Variants in ALK observed in about 807,000 individuals in gnomAD.
ALK encodes ALK tyrosine kinase receptor.
Under a neutral mutation model 163.1 loss-of-function variants are expected in ALK, and 74 were observed. The ratio of observed to expected loss-of-function variants is 0.45; its 90% CI spans 0.38 to 0.55. The LOEUF is 0.55. ALK is among the 20% of genes least tolerant of loss of function. The pLI, the probability that ALK is intolerant of heterozygous loss-of-function variation, is 0.00. For missense variants in ALK, 2,063 were observed against 2,105.3 expected (o/e 0.98, Z 0.39); for synonymous variants, 960 against 843.2 (o/e 1.14, Z -2.40).
intron 1 of ALK, among the ~76,000 whole-genome samples, chr2:29,831,259 G>GGAAGAAGAAGAAGAAGAAGAATAA (rs1665406202): frequency 3.6e-5 from 1 of 28,150 alleles, no homozygotes; most frequent in African/African-American, 1.1e-4. Flanking sequence ...AAGAGGAAGA[G>GGAAGAAGAAGAAGAAGAAGAATAA]GAAGAAGAAG....
intron 3 of ALK, among the ~76,000 whole-genome samples, chr2:29,613,401 T>C (rs779338249): frequency 1.4e-4 from 21 of 152,206 alleles, no homozygotes; most frequent in Non-Finnish European, 2.5e-4. Flanking sequence ...CTTTTGCATT[T>C]CTCTTCGGGA....
intron 1 of ALK, among the ~76,000 whole-genome samples, chr2:29,880,111 T>G (rs1283813035): frequency 1.3e-5 from 2 of 152,224 alleles, no homozygotes; most frequent in Non-Finnish European, 2.9e-5. Context: ...CCATCTTTTC[T>G]GCAGACCCAT....
chr2:29,461,271 G>A (rs562767424), intron 4 of ALK, among the ~76,000 whole-genome samples: 2 of 152,334 alleles, frequency 1.3e-5, no homozygotes, highest in South Asian at 4.1e-4. Flanking sequence ...TGGAGAAGCT[G>A]CAGCAAGTTA....
In ALK at chr2:29,193,643, G is replaced by A. The variant is rs1668941922; in HGVS notation, c.4444C>T (p.Gln1482Ter). 1 of 1,614,256 alleles carries A rather than the reference G, an allele frequency of 6.2e-7. No individual in the cohort carries two copies. The highest frequency in any genetic ancestry group is 8.5e-7 in the Non-Finnish European group (1 of 1,180,040). ...TGCAACTCCGAAGGAGGGTTGGACT[G>A]AGAGAATGCCATATTCACGTGTCCC... ...EGGHVNMAFS[Q>*]SNPPSELHKV... Residue 1482 changes from glutamine (Q) to a stop codon, truncating the protein, a stop_gained, in exon 29 of 29, where the codon CAG becomes TAG. Coordinates refer to ENST00000389048, the MANE Select transcript of ALK (RefSeq NM_004304.5). LOFTEE classifies it low-confidence loss of function (END_TRUNC).
chr2:29,226,323 T>C (rs549212214), intron 18 of ALK, among the ~76,000 whole-genome samples: 235 of 151,450 alleles, frequency 1.6e-3, no homozygotes, highest in Middle Eastern at 0.014. Context: ...ACTGAAAATA[T>C]GAAAATTAGC....
At chr2:29,508,161 G>A (rs910610915) in intron 4 of ALK, among the ~76,000 whole-genome samples, 3 of 152,056 alleles carry the variant, frequency 2.0e-5, no homozygotes, top group Admixed American at 6.5e-5. Context: ...TCACTGATCT[G>A]ATGTTCAAGG....
chr2:29,858,231 A>T (rs1666193528), intron 1 of ALK, among the ~76,000 whole-genome samples: 1 of 152,088 alleles, frequency 6.6e-6, no homozygotes, highest in African/African-American at 2.4e-5. Flanking sequence ...TTAATCCCTA[A>T]CACCCAGTAA....
At chr2:29,264,500 A>T (rs529550507) in intron 11 of ALK, among the ~76,000 whole-genome samples, 1 of 152,290 alleles carries the variant, frequency 6.6e-6, no homozygotes, top group Admixed American at 6.5e-5. Flanking sequence ...TCTATACACT[A>T]GTTTGCTTTC....
intron 4 of ALK, among the ~76,000 whole-genome samples, chr2:29,428,953 C>T: frequency 6.6e-6 from 1 of 151,856 alleles, no homozygotes; most frequent in Non-Finnish European, 1.5e-5. Context: ...ACTTAATATG[C>T]AAAAATCAAT....
At chr2:29,671,218 G>A (rs1456696104) in intron 3 of ALK, among the ~76,000 whole-genome samples, 1 of 152,036 alleles carries the variant, frequency 6.6e-6, no homozygotes, top group Non-Finnish European at 1.5e-5. Context: ...GTGAAGCCCA[G>A]GTTCACCTCT....
At chr2:29,619,011 A>G (rs201831356) in intron 3 of ALK, among the ~76,000 whole-genome samples, 3 of 129,512 alleles carry the variant, frequency 2.3e-5, no homozygotes, top group African/African-American at 8.0e-5. Context: ...AAAAAAAAAA[A>G]ACACTTGAAA....
intron 1 of ALK, among the ~76,000 whole-genome samples, chr2:29,728,039 CA>C (rs1209798746): frequency 6.6e-6 from 1 of 152,010 alleles, no homozygotes; most frequent in African/African-American, 2.4e-5. Flanking sequence ...GAGAAGGTAG[CA>C]AAGAAAGGAG....
intron 1 of ALK, among the ~76,000 whole-genome samples, chr2:29,896,843 C>T (rs1667285420): frequency 6.6e-6 from 1 of 152,190 alleles, no homozygotes; most frequent in African/African-American, 2.4e-5. Flanking sequence ...TTTTTCATTA[C>T]CTCACACAGG....
chr2:29,208,926 A>T (rs547659513), intron 25 of ALK, among the ~76,000 whole-genome samples: 7 of 152,124 alleles, frequency 4.6e-5, no homozygotes, highest in African/African-American at 1.4e-4. Context: ...AAAAAAAATA[A>T]TTTTTAAAAT....
At chr2:29,328,290 A>G (rs1667334461) in intron 6 of ALK, 60 bp downstream of exon 6, 1 of 1,612,980 alleles carries the variant, frequency 6.2e-7, no homozygotes, top group African/African-American at 1.3e-5. Flanking sequence ...GATAATGGGG[A>G]CAACGGGGTT....
At chr2:29,565,300 G>C (rs560793100) in intron 3 of ALK, among the ~76,000 whole-genome samples, 2 of 152,232 alleles carry the variant, frequency 1.3e-5, no homozygotes, top group Admixed American at 1.3e-4. Flanking sequence ...TGGTGGAACT[G>C]AGATTTGAAC....
In ALK at chr2:29,368,107, G is replaced by T. The variant is rs76447094; in HGVS notation, c.1282+15625C>A. ...AAGGGGATGGCTTAGTGTTTAGCAGGAGGGAAAAATAACAGACGCTAAAGT... is the reference window on the plus strand; with the variant it reads ...AAGGGGATGGCTTAGTGTTTAGCAGTAGGGAAAAATAACAGACGCTAAAGT... On this transcript the variant is annotated intron_variant, in intron 5 of 28. Transcript: ENST00000389048. Among the ~76,000 whole-genome samples, 706 of 152,310 alleles carry T rather than the reference G, an allele frequency of 4.6e-3. 8 individuals are homozygous for T. Among genetic ancestry groups the T allele is most frequent in the African/African-American group, 0.016 (680 of 41,556 alleles).
At chr2:29,588,167 C>A (rs150744507) in intron 3 of ALK, among the ~76,000 whole-genome samples, 30 of 152,292 alleles carry the variant, frequency 2.0e-4, no homozygotes, top group African/African-American at 7.0e-4. Context: ...AACGTCTCCA[C>A]TGAGACCATA....
intron 23 of ALK, among the ~76,000 whole-genome samples, chr2:29,218,174 G>A (rs1394101591): frequency 6.6e-6 from 1 of 152,246 alleles, no homozygotes; most frequent in Non-Finnish European, 1.5e-5. Flanking sequence ...ACCTGGGCCT[G>A]GTGGGTGTAT....
Sources: gnomAD v4.1 joint callset for allele counts (sites outside exome capture counted in the v4.1 genomes callset) on GRCh38, gnomAD v4.1.1 for gene constraint, MANE v1.5 for transcripts, NCBI Gene and HGNC (gene_info 2026-07-23, HGNC 2026-07-21) for gene names.